MTTP: variants seen among roughly 807,000 people sequenced by gnomAD.
MTTP encodes the protein microsomal triglyceride transfer protein large subunit.
MTTP carries 49 observed loss-of-function variants against 90.6 expected under a neutral mutation model. The ratio of observed to expected loss-of-function variants is 0.54; its 90% CI spans 0.43 to 0.69. The LOEUF (loss-of-function observed/expected upper bound fraction) is 0.69, where lower values mean the gene tolerates loss of function less well. Ranked by LOEUF, MTTP falls within the 30% of genes least tolerant of loss-of-function variation. The probability of loss-of-function intolerance (pLI) is 0.00; values close to 1 mark genes in which losing one functional copy is unlikely to be tolerated. For missense variants in MTTP, 945 were observed against 1,067.5 expected (o/e 0.89, Z 1.60); for synonymous variants, 347 against 384.2 (o/e 0.90, Z 1.13).
intron 11 of MTTP, among the ~76,000 whole-genome samples, chr4:99,607,223 A>G (rs1454092015): frequency 1.3e-5 from 2 of 152,184 alleles, no homozygotes; most frequent in African/African-American, 4.8e-5. Context: ...AAATATATTT[A>G]CTTTTATAAG....
Position 99,606,434 on chromosome 4 carries a change from T to G in MTTP, c.1345-314T>G, listed in dbSNP as rs1342810114. Among the ~76,000 whole-genome samples the G allele has an allele frequency of 3.3e-5, 5 of 152,330 alleles. No homozygotes were observed. The East Asian group carries it at 7.7e-4, about 24-fold the overall frequency. The stretch of plus-strand genomic sequence containing the variant: ...TTAGCAATTCAGTGAATGAGCAGTT[T>G]TTTGAATAACCAATCACAATGAAAT... On this transcript the variant is annotated intron_variant, in intron 10 of 17. Coordinates refer to ENST00000265517, the MANE Select transcript of MTTP (RefSeq NM_001386140.1).
intron 1 of MTTP, among the ~76,000 whole-genome samples, chr4:99,567,197 G>A (rs1724723274): frequency 6.6e-6 from 1 of 152,158 alleles, no homozygotes; most frequent in African/African-American, 2.4e-5. Context: ...CGTAATATAT[G>A]AATATTGAAG....
At chr4:99,575,355 G>A (rs1724931446) in intron 1 of MTTP, among the ~76,000 whole-genome samples, 3 of 152,028 alleles carry the variant, frequency 2.0e-5, no homozygotes, top group South Asian at 2.1e-4. Flanking sequence ...TTTAAAAACC[G>A]AGTTCTTAAA....
chr4:99,609,731 A>T (rs1433137690), intron 12 of MTTP, among the ~76,000 whole-genome samples: 1 of 152,212 alleles, frequency 6.6e-6, no homozygotes, highest in East Asian at 1.9e-4. Flanking sequence ...AGAAACAAGG[A>T]CTAAGACTGA....
At chr4:99,619,735 G>A (rs1726183960) in intron 16 of MTTP, among the ~76,000 whole-genome samples, 1 of 152,180 alleles carries the variant, frequency 6.6e-6, no homozygotes, top group Non-Finnish European at 1.5e-5. Context: ...TCAGGCAAAA[G>A]TGAGATATGT....
At chr4:99,591,543 G>A (rs2110218529) in intron 5 of MTTP, 108 bp from the exon 6 acceptor site, 3 of 1,261,242 alleles carry the variant, frequency 2.4e-6, no homozygotes, top group Non-Finnish European at 3.4e-6. Flanking sequence ...TGAGGGATGG[G>A]TGTAATGGGG....
intron 3 of MTTP, 146 bp from the exon 4 acceptor site, chr4:99,589,497 A>C: frequency 1.5e-6 from 1 of 656,566 alleles, no homozygotes; most frequent in Non-Finnish European, 2.8e-6. Context: ...TTCTTTTCAC[A>C]AAAAGGAAAT....
intron 6 of MTTP, among the ~76,000 whole-genome samples, chr4:99,592,481 T>C (rs1725453904): frequency 6.6e-6 from 1 of 152,092 alleles, no homozygotes; most frequent in Non-Finnish European, 1.5e-5. Context: ...AAAATATTTT[T>C]TCTTTAAATC....
intron 12 of MTTP, 108 bp from the exon 13 acceptor site, chr4:99,611,035 A>G: frequency 8.3e-7 from 1 of 1,202,126 alleles, no homozygotes. Context: ...GGCATGAGGA[A>G]AATTTGGCTT....
chr4:99,601,677 T>G lies in MTTP; in HGVS notation c.1307T>G (p.Val436Gly). The change falls in exon 10 of 18, where the codon GTC becomes GGC. Residue 436 changes from valine to glycine, a missense_variant. Val to Gly is a moderately radical substitution (Grantham distance 109). Transcript: ENST00000265517. Reference sequence around the variant, plus strand: ...GTTATGATCATCACTGGGACACTTGTCAGAAAGTTGTGTCAGAATGAAGGC... The same window carrying G: ...GTTATGATCATCACTGGGACACTTGGCAGAAAGTTGTGTCAGAATGAAGGC... ...ETVMIITGTLVRKLCQNEGCK... is the reference protein window; with the variant it reads ...ETVMIITGTLGRKLCQNEGCK... The G allele has an allele frequency of 6.2e-7, 1 of 1,613,036 alleles. No homozygotes were observed. Among genetic ancestry groups the G allele is most frequent in the Non-Finnish European group, 8.5e-7 (1 of 1,179,236 alleles).
chr4:99,589,601 C>A (rs926319455), intron 3 of MTTP, 42 bp from the exon 4 acceptor site: 9 of 1,085,680 alleles, frequency 8.3e-6, no homozygotes. Flanking sequence ...ATAAATGATG[C>A]ATTTTTGCTT....
intron 8 of MTTP, among the ~76,000 whole-genome samples, chr4:99,598,653 C>CTT (rs745529189): frequency 0.098 from 8,082 of 82,404 alleles, 1,409 homozygotes; most frequent in African/African-American, 0.2. Context: ...TCAAGGAAGT[C>CTT]TTTTTTTTTT....
chr4:99,611,953 G>A (rs906678302), intron 14 of MTTP, among the ~76,000 whole-genome samples: 2 of 152,084 alleles, frequency 1.3e-5, no homozygotes, highest in Non-Finnish European at 2.9e-5. Context: ...ACTGCTAGAA[G>A]AGAAAAGAAT....
chr4:99,587,443 AT>A (rs1725284528), intron 3 of MTTP, among the ~76,000 whole-genome samples: 1 of 152,110 alleles, frequency 6.6e-6, no homozygotes, highest in South Asian at 2.1e-4. Flanking sequence ...CTCTAACACC[AT>A]TTTCTAAGGG....
chr4:99,591,800 T>A lies in MTTP; in HGVS notation c.758+10T>A, dbSNP rs766633922. The A allele has an allele frequency of 6.2e-7, 1 of 1,601,816 alleles. No individual in the cohort carries two copies. Among genetic ancestry groups the A allele is most frequent in the South Asian group, 1.1e-5 (1 of 90,346 alleles). ...GGAAAATAGTATCGAAGTAAGATAA[T>A]GCTAAAATTTTTATTTTCTTTGCTA... On this transcript the variant is annotated intron_variant, in intron 6 of 17. Coordinates refer to ENST00000265517, the MANE Select transcript of MTTP (RefSeq NM_001386140.1).
chr4:99,580,183 T>C (rs1204145042), intron 1 of MTTP, among the ~76,000 whole-genome samples: 2 of 151,708 alleles, frequency 1.3e-5, no homozygotes, highest in Non-Finnish European at 2.9e-5. Flanking sequence ...ATGAATAAAT[T>C]TCTAGCTCAC....
At chr4:99,574,684 T>A, upstream of MTTP, 1 of 960,846 alleles carries the variant, frequency 1.0e-6, no homozygotes, top group African/African-American at 1.6e-5. Context: ...TTAAAAAGAG[T>A]GAGAGACTGA....
At chr4:99,597,926 T>C (rs754747177) in intron 8 of MTTP, among the ~76,000 whole-genome samples, 2 of 152,168 alleles carry the variant, frequency 1.3e-5, no homozygotes, top group Admixed American at 6.6e-5. Context: ...ATTGATGATA[T>C]AGAACAAGGC....
chr4:99,571,051 C>T (rs1314158530), upstream of MTTP, among the ~76,000 whole-genome samples: 2 of 151,876 alleles, frequency 1.3e-5, no homozygotes, highest in Non-Finnish European at 2.9e-5. Flanking sequence ...GATACAGTGC[C>T]TTTCAATAGT....
Sources: gnomAD v4.1 joint callset for allele counts (sites outside exome capture counted in the v4.1 genomes callset) on GRCh38, gnomAD v4.1.1 for gene constraint, MANE v1.5 for transcripts, NCBI Gene and HGNC (gene_info 2026-07-23, HGNC 2026-07-21) for gene names.